Variants in ZDHHC11B observed in about 807,000 individuals in gnomAD.
ZDHHC11B encodes the protein probable palmitoyltransferase ZDHHC11B.
In ZDHHC11B, 17 loss-of-function variants were observed where a neutral mutation model predicts 42.3. The ratio of observed to expected loss-of-function variants is 0.40; its 90% CI spans 0.27 to 0.60. The LOEUF (loss-of-function observed/expected upper bound fraction) is 0.60. Ranked by LOEUF, ZDHHC11B falls within the 20% of genes least tolerant of loss-of-function variation. The probability of loss-of-function intolerance (pLI) is 0.41; values close to 1 mark genes in which losing one functional copy is unlikely to be tolerated. For missense variants in ZDHHC11B, 262 were observed against 463.2 expected (o/e 0.57, Z 3.99); for synonymous variants, 123 against 193.5 (o/e 0.64, Z 3.02).
chr5:742,898 A>C (rs1744328583), intron 9 of ZDHHC11B, among the ~76,000 whole-genome samples: 1 of 149,192 alleles, frequency 6.7e-6, no homozygotes, highest in African/African-American at 2.5e-5. Context: ...ATCAAAGACA[A>C]GCTTTGTCTC....
At chr5:776,190 C>A (rs2150242306) in intron 1 of ZDHHC11B, among the ~76,000 whole-genome samples, 1 of 151,608 alleles carries the variant, frequency 6.6e-6, no homozygotes, top group African/African-American at 2.4e-5. Context: ...GTTTAGGAAA[C>A]CCTAGGGCCA....
At position 784,719 on chromosome 5, in the gene ZDHHC11B, C is replaced by T. The variant is rs1223362579; in HGVS notation, c.-281G>A. Among the ~76,000 whole-genome samples, 1 of 149,824 alleles carries T rather than the reference C, an allele frequency of 6.7e-6. No individual in the cohort carries two copies. The highest frequency in any genetic ancestry group is 1.5e-5 in the Non-Finnish European group (1 of 67,094). On this transcript the variant is annotated 5_prime_UTR_variant, in exon 1 of 14. Transcript: ENST00000508859. ...GGCTCCCCCGCGACCCGGCCGCGCG[C>T]GACCAAGTGCTCAGCGCAGCGCTCC...
chr5:761,643 C>T (rs1269046796), intron 4 of ZDHHC11B, among the ~76,000 whole-genome samples: 2 of 151,892 alleles, frequency 1.3e-5, no homozygotes, highest in African/African-American at 4.8e-5. Context: ...GTTCCAGCAC[C>T]TCCCATGGTA....
At chr5:751,831 G>A (rs1198255551) in intron 6 of ZDHHC11B, among the ~76,000 whole-genome samples, 7 of 120,148 alleles carry the variant, frequency 5.8e-5, no homozygotes, top group East Asian at 7.1e-4. Context: ...TTCAGGCAGT[G>A]CTTCTTGCAA....
intron 1 of ZDHHC11B, among the ~76,000 whole-genome samples, 147 bp downstream of exon 1, chr5:784,521 C>A (rs1381063266): frequency 6.6e-6 from 1 of 152,262 alleles, no homozygotes; most frequent in Admixed American, 6.5e-5. Context: ...GGCTCAGGGA[C>A]GCGCAGGGCG....
Position 732,934 on chromosome 5 carries a change from G to C in ZDHHC11B, c.1023+818C>G, listed in dbSNP as rs531390198. Among the ~76,000 whole-genome samples the C allele has an allele frequency of 4.6e-5, 7 of 151,906 alleles. No homozygotes were observed. In the South Asian group the frequency reaches 1.0e-3, roughly 23 times the overall value. Reference sequence around the variant, plus strand: ...TGGCTGGGTGTGGTGGCACACACCTGTACTTTCGGCTATTCGGGAGGCTGA... The same window carrying C: ...TGGCTGGGTGTGGTGGCACACACCTCTACTTTCGGCTATTCGGGAGGCTGA... On this transcript the variant is annotated intron_variant, in intron 11 of 13. Coordinates refer to ENST00000508859, the MANE Select transcript of ZDHHC11B (RefSeq NM_001351303.2).
chr5:736,305 C>A lies in ZDHHC11B; in HGVS notation c.936-2466G>T, dbSNP rs899114027. ...ACTATATATGCACCTAACGAGGAAC[C>A]CCCCAAATTTATAAAACAATTCTTA... is the stretch of plus-strand genomic sequence containing the variant. On this transcript the variant is annotated intron_variant, in intron 10 of 13. Transcript: ENST00000508859. Among the ~76,000 whole-genome samples the A allele has an allele frequency of 8.5e-4, 128 of 149,788 alleles. 1 individual carries two copies. Among genetic ancestry groups the A allele is most frequent in the Non-Finnish European group, 1.6e-3 (110 of 67,670 alleles).
intron 4 of ZDHHC11B, among the ~76,000 whole-genome samples, chr5:758,273 T>C (rs1416465349): frequency 6.6e-6 from 1 of 151,850 alleles, no homozygotes; most frequent in African/African-American, 2.4e-5. Context: ...GAGCAGCACT[T>C]CCCTCACTGG....
In ZDHHC11B at chr5:748,392, T is replaced by G. The variant is rs1394540203; in HGVS notation, c.784+12A>C. The G allele has an allele frequency of 6.1e-5, 82 of 1,336,206 alleles. 8 individuals are homozygous for G. In the African/African-American group the frequency reaches 9.9e-4, roughly 16 times the overall value. 82.8% of individuals were successfully genotyped at this position (1,336,206 alleles called of 1,614,324 possible). Reference sequence around the variant, plus strand: ...GCTTGGGGGGATCGGGGGCTTAGGGTGGGGGACATACTCAGGTAGATGTGG... The same window carrying G: ...GCTTGGGGGGATCGGGGGCTTAGGGGGGGGGACATACTCAGGTAGATGTGG... On this transcript the variant is annotated intron_variant, in intron 8 of 13. Transcript: ENST00000508859.
At chr5:769,632 G>C (rs1419157343) in intron 1 of ZDHHC11B, among the ~76,000 whole-genome samples, 2 of 151,820 alleles carry the variant, frequency 1.3e-5, no homozygotes, top group East Asian at 3.9e-4. Flanking sequence ...TCAAACCCAA[G>C]TGATCACACT....
intron 4 of ZDHHC11B, among the ~76,000 whole-genome samples, chr5:760,301 G>A (rs928923039): frequency 6.6e-6 from 1 of 151,816 alleles, no homozygotes; most frequent in African/African-American, 2.4e-5. Flanking sequence ...AGATAATCCT[G>A]TCAGGGCAAG....
In ZDHHC11B at chr5:759,433, G is replaced by A. The variant is rs73730940; in HGVS notation, c.223-3289C>T. Among the ~76,000 whole-genome samples, 530 of 151,844 alleles carry A rather than the reference G, an allele frequency of 3.5e-3. 5 individuals carry two copies. Among genetic ancestry groups the A allele is most frequent in the African/African-American group, 0.012 (507 of 41,276 alleles). ...GCTGACACGTGCCACTGAAGGCGCC[G>A]CGCCACTCCATGCTGGTGAATCTTC... On this transcript the variant is annotated intron_variant, in intron 4 of 13. Transcript: ENST00000508859.
In ZDHHC11B at chr5:759,233, C is replaced by G. The variant is rs1443374841; in HGVS notation, c.223-3089G>C. On this transcript the variant is annotated intron_variant, in intron 4 of 13. Transcript: ENST00000508859. ...TCTGTATTTTGTAAATAAACGGCGC[C>G]GCAGCGCCAGCCCAGAACACACACC... is the stretch of plus-strand genomic sequence containing the variant. Among the ~76,000 whole-genome samples, 4 of 151,956 alleles carry G rather than the reference C, an allele frequency of 2.6e-5. No individual in the cohort carries two copies. In the East Asian group the frequency reaches 5.8e-4, roughly 22 times the overall value.
intron 1 of ZDHHC11B, among the ~76,000 whole-genome samples, chr5:775,980 G>T (rs555067306): frequency 1.4e-5 from 2 of 144,646 alleles, no homozygotes; most frequent in East Asian, 3.9e-4. Flanking sequence ...GGGGTCCCTG[G>T]TCCTCTCTCC....
At chr5:767,230 A>T (rs1210517298) in intron 3 of ZDHHC11B, among the ~76,000 whole-genome samples, 162 bp downstream of exon 3, 6 of 148,930 alleles carry the variant, frequency 4.0e-5, no homozygotes, top group Non-Finnish European at 8.9e-5. Flanking sequence ...CCTGTGGCAG[A>T]CCTGGGTGGA....
chr5:778,866 T>C (rs1445898656), intron 1 of ZDHHC11B, among the ~76,000 whole-genome samples: 1 of 151,892 alleles, frequency 6.6e-6, no homozygotes, highest in Non-Finnish European at 1.5e-5. Context: ...ATCCCCATTG[T>C]GGTGGCATTA....
chr5:758,265 G>A (rs1472934326), intron 4 of ZDHHC11B, among the ~76,000 whole-genome samples: 5 of 151,956 alleles, frequency 3.3e-5, no homozygotes, highest in African/African-American at 4.8e-5. Flanking sequence ...CAGAGCTGGA[G>A]CAGCACTTCC....
intron 13 of ZDHHC11B, among the ~76,000 whole-genome samples, chr5:713,231 T>C (rs191768604): frequency 6.6e-6 from 1 of 152,134 alleles, no homozygotes; most frequent in East Asian, 1.9e-4. Flanking sequence ...CTCTAGATTC[T>C]AGTTCCCTAA....
At chr5:729,138 C>T (rs1471767617) in intron 12 of ZDHHC11B, among the ~76,000 whole-genome samples, 2 of 151,400 alleles carry the variant, frequency 1.3e-5, no homozygotes, top group Admixed American at 6.6e-5. Context: ...GTCTGGGGTC[C>T]CAGGTGCCTC....
Sources: gnomAD v4.1 joint callset for allele counts (sites outside exome capture counted in the v4.1 genomes callset) on GRCh38, gnomAD v4.1.1 for gene constraint, MANE v1.5 for transcripts, NCBI Gene and HGNC (gene_info 2026-07-23, HGNC 2026-07-21) for gene names.